The following PAG1 variants were observed in gnomAD, a reference collection of about 807,000 sequenced individuals.
The protein encoded by PAG1 is phosphoprotein associated with glycosphingolipid-enriched microdomains 1.
In PAG1, 23 loss-of-function variants were observed where a neutral mutation model predicts 31.7. The observed-to-expected ratio is 0.73, with a 90% confidence interval of 0.52 to 1.03. PAG1 has a LOEUF of 1.03. Among genes scored for constraint, PAG1 ranks in the 50% least tolerant of loss-of-function variants. PAG1 has a pLI of 0.00. For missense variants in PAG1, 473 were observed against 540.7 expected (o/e 0.87, Z 1.24); for synonymous variants, 214 against 210.3 (o/e 1.02, Z -0.15).
Position 80,973,959 on chromosome 8 carries a change from A to T in PAG1, c.*2585T>A, listed in dbSNP as rs940155989. 1.3e-5 allele frequency: 2 copies of T among 152,176 alleles called. No homozygotes were observed. Among genetic ancestry groups the T allele is most frequent in the Non-Finnish European group, 1.5e-5 (1 of 68,036 alleles). The allele number at this position is 152,176 out of a possible 1,614,324, so 9.4% of individuals were successfully genotyped here. On this transcript the variant is annotated 3_prime_UTR_variant, in exon 9 of 9. Transcript: ENST00000220597. Reference sequence around the variant, plus strand: ...TTTAGCGTTTATGCTGGAGGGCCTTATAGTTCCTTTAAAAGTACACTGAAA... The same window carrying T: ...TTTAGCGTTTATGCTGGAGGGCCTTTTAGTTCCTTTAAAAGTACACTGAAA...
In PAG1 at chr8:81,091,843, G is replaced by GA. The variant is rs900140184; in HGVS notation, c.-234+19747dup. 8.5e-5 allele frequency among the ~76,000 whole-genome samples: 12 copies of GA among 140,996 alleles called. No homozygotes were observed. In the South Asian group the frequency reaches 1.1e-3, roughly 13 times the overall value. 92.5% of individuals were successfully genotyped at this position (140,996 alleles called of 152,430 possible). On this transcript the variant is annotated intron_variant, in intron 1 of 8. Transcript: ENST00000220597. ...GAAGAAAGAAGAAGAAGAAGAAGAA[G>GA]AAAAAAAAACACCCTGTCCAGGTGC...
At chr8:80,988,354 T>A (rs528258609) in intron 5 of PAG1, among the ~76,000 whole-genome samples, 1 of 152,334 alleles carries the variant, frequency 6.6e-6, no homozygotes, top group East Asian at 1.9e-4. Flanking sequence ...CAGAGATAGA[T>A]AAGGCTATTG....
rs867206650 is a variant in PAG1 at position 81,104,385 on chromosome 8, C to T, written c.-234+7206G>A. Among the ~76,000 whole-genome samples the T allele has an allele frequency of 8.1e-4, 77 of 95,486 alleles. 1 individual carries two copies. In the South Asian group the frequency reaches 0.036, roughly 45 times the overall value. 62.6% of individuals were successfully genotyped at this position (95,486 alleles called of 152,430 possible). ...TTCTGACAGCCACCTTGGCCTTCGT[C>T]CTTTTTTTTTTTTTTTTCAGTCCAC... On this transcript the variant is annotated intron_variant, in intron 1 of 8. Transcript: ENST00000220597.
intron 1 of PAG1, among the ~76,000 whole-genome samples, chr8:81,108,004 T>A (rs142575438): frequency 6.6e-6 from 1 of 152,390 alleles, no homozygotes; most frequent in East Asian, 1.9e-4. Flanking sequence ...TAGTTTGCAT[T>A]TCTTTTACAT....
chr8:81,071,683 A>G (rs994692071), intron 1 of PAG1, among the ~76,000 whole-genome samples: 1 of 152,230 alleles, frequency 6.6e-6, no homozygotes, highest in East Asian at 1.9e-4. Flanking sequence ...TGTGCTATAT[A>G]CAAGGGGCAC....
At chr8:81,088,786 G>A (rs1357201010) in intron 1 of PAG1, among the ~76,000 whole-genome samples, 4 of 152,160 alleles carry the variant, frequency 2.6e-5, no homozygotes, top group Non-Finnish European at 4.4e-5. Context: ...ACTCTAATAA[G>A]AGCAAAGGAA....
chr8:81,026,475 T>C (rs1000207049), intron 3 of PAG1, among the ~76,000 whole-genome samples: 1 of 149,780 alleles, frequency 6.7e-6, no homozygotes, highest in African/African-American at 2.5e-5. Context: ...AACAAGGCCC[T>C]TGCACGCCTT....
At chr8:81,100,641 C>T (rs962938366) in intron 1 of PAG1, among the ~76,000 whole-genome samples, 1 of 152,184 alleles carries the variant, frequency 6.6e-6, no homozygotes, top group Non-Finnish European at 1.5e-5. Flanking sequence ...AAACCGATGG[C>T]GGACGCATTT....
At chr8:81,014,256 C>T (rs985146735) in intron 3 of PAG1, among the ~76,000 whole-genome samples, 7 of 152,168 alleles carry the variant, frequency 4.6e-5, no homozygotes, top group African/African-American at 1.4e-4. Context: ...TTTTATAAAC[C>T]GGAAATCATT....
In PAG1 at chr8:80,975,874, A is replaced by G. The variant is rs1035189594; in HGVS notation, c.*670T>C. On this transcript the variant is annotated 3_prime_UTR_variant, in exon 9 of 9. Coordinates refer to ENST00000220597, the MANE Select transcript of PAG1 (RefSeq NM_018440.4). ...GCTGATATCGAATGCCAAAATAAGA[A>G]GGAACAAAGACAGAAGAGACTCCAG... 1.8e-4 allele frequency: 27 copies of G among 152,324 alleles called. No individual in the cohort carries two copies. Among genetic ancestry groups the G allele is most frequent in the African/African-American group, 6.0e-4 (25 of 41,576 alleles). The allele number at this position is 152,324 out of a possible 1,614,324, so 9.4% of individuals were successfully genotyped here.
chr8:81,017,538 G>A (rs1374237234), intron 3 of PAG1, among the ~76,000 whole-genome samples: 1 of 152,164 alleles, frequency 6.6e-6, no homozygotes, highest in Non-Finnish European at 1.5e-5. Context: ...AACTCTCCTG[G>A]TATTTGTAGG....
intron 3 of PAG1, among the ~76,000 whole-genome samples, chr8:81,019,803 G>T (rs189008852): frequency 6.6e-6 from 1 of 152,268 alleles, no homozygotes; most frequent in Non-Finnish European, 1.5e-5. Context: ...CATGAGAAGA[G>T]GGCCACTGTC....
chr8:81,100,919 G>C lies in PAG1; in HGVS notation c.-234+10672C>G, dbSNP rs34526794. Among the ~76,000 whole-genome samples, 1,237 of 152,182 alleles carry C rather than the reference G, an allele frequency of 8.1e-3. 20 individuals carry two copies. Among genetic ancestry groups the C allele is most frequent in the African/African-American group, 0.027 (1,113 of 41,508 alleles). ...CAAATAGCCTGTGGCTATAAAACAG[G>C]CTGAAAGAAGCATGCTTGTTGCCAG... is the stretch of plus-strand genomic sequence containing the variant. On this transcript the variant is annotated intron_variant, in intron 1 of 8. Coordinates refer to ENST00000220597, the MANE Select transcript of PAG1 (RefSeq NM_018440.4).
chr8:81,030,413 T>C (rs926848324), intron 2 of PAG1, among the ~76,000 whole-genome samples: 1 of 152,272 alleles, frequency 6.6e-6, no homozygotes, highest in African/African-American at 2.4e-5. Context: ...TTATGCCAAG[T>C]AAACCTCTGT....
intron 1 of PAG1, among the ~76,000 whole-genome samples, chr8:81,086,504 T>TGC (rs1296615115): frequency 5.9e-5 from 9 of 151,338 alleles, no homozygotes; most frequent in African/African-American, 1.7e-4. Flanking sequence ...TGTGTGTGTG[T>TGC]GCGCGCGCGT....
At position 81,095,945 on chromosome 8, in the gene PAG1, C is replaced by T. The variant is rs147545358; in HGVS notation, c.-234+15646G>A. ...AATGAATAAACAGAATTTCTGTAAA[C>T]GGACTCCATTAAAGAAGGCTGGCAT... On this transcript the variant is annotated intron_variant, in intron 1 of 8. Coordinates refer to ENST00000220597, the MANE Select transcript of PAG1 (RefSeq NM_018440.4). Among the ~76,000 whole-genome samples the T allele has an allele frequency of 1.9e-3, 295 of 152,262 alleles. 1 individual carries two copies. The highest frequency in any genetic ancestry group is 6.8e-3 in the African/African-American group (282 of 41,550).
intron 5 of PAG1, 82 bp downstream of exon 5, chr8:80,991,397 G>A (rs1032268858): frequency 1.8e-6 from 2 of 1,087,492 alleles, no homozygotes; most frequent in Non-Finnish European, 2.9e-6. Flanking sequence ...CAGGCTGTGA[G>A]CACATGGGAG....
intron 3 of PAG1, among the ~76,000 whole-genome samples, chr8:81,004,882 A>T (rs995376903): frequency 2.6e-5 from 4 of 152,202 alleles, no homozygotes; most frequent in South Asian, 4.1e-4. Context: ...CCTCCCACGC[A>T]TGCACTTGAC....
intron 2 of PAG1, among the ~76,000 whole-genome samples, chr8:81,059,301 G>A (rs533953238): frequency 6.8e-6 from 1 of 147,046 alleles, no homozygotes; most frequent in South Asian, 2.1e-4. Context: ...TGAATGCTTT[G>A]AATTAGAGGT....
Sources: allele counts gnomAD v4.1 joint callset (sites outside exome capture counted in the v4.1 genomes callset), GRCh38; gene constraint gnomAD v4.1.1; transcripts MANE v1.5; gene names NCBI Gene and HGNC (gene_info 2026-07-23, HGNC 2026-07-21).